The following TAFA2 variants were observed in gnomAD, a reference collection of about 807,000 sequenced individuals.
TAFA2 encodes the protein chemokine-like protein TAFA-2.
TAFA2 carries 7 observed loss-of-function variants against 18.8 expected under a neutral mutation model. The observed-to-expected ratio is 0.37, with a 90% CI of 0.21 to 0.70. The LOEUF is 0.70. Among genes scored for constraint, TAFA2 ranks in the 30% least tolerant of loss-of-function variants. The probability of loss-of-function intolerance (pLI) is 0.53; values close to 1 mark genes in which losing one functional copy is unlikely to be tolerated. For synonymous variants in TAFA2, 60 were observed against 54.2 expected (o/e 1.11, Z -0.47); for missense variants, 122 against 158.1 (o/e 0.77, Z 1.23).
chr12:61,934,626 A>G (rs183253898), intron 1 of TAFA2, among the ~76,000 whole-genome samples: 5 of 152,370 alleles, frequency 3.3e-5, no homozygotes, highest in Admixed American at 2.6e-4. Context: ...AACGCAGAAG[A>G]TAAAATGACT....
chr12:61,878,659 C>T (rs935509033), intron 1 of TAFA2, among the ~76,000 whole-genome samples: 1 of 152,152 alleles, frequency 6.6e-6, no homozygotes, highest in Non-Finnish European at 1.5e-5. Flanking sequence ...AGCTTGGTTG[C>T]TCTGCATGAT....
At chr12:62,114,016 C>T (rs573989522) in intron 1 of TAFA2, among the ~76,000 whole-genome samples, 25 of 152,182 alleles carry the variant, frequency 1.6e-4, no homozygotes, top group Non-Finnish European at 2.9e-4. Context: ...GTCTCGCTGG[C>T]ATTCCAGGTG....
rs573174460 is a variant in TAFA2 at position 61,794,090 on chromosome 12, T to C, written c.107-39066A>G. Among the ~76,000 whole-genome samples, 26 of 152,046 alleles carry C rather than the reference T, an allele frequency of 1.7e-4. 1 individual carries two copies. The South Asian group carries it at 5.0e-3, about 29-fold the overall frequency. ...AGCATATCTATGGAAAATCTACAAC[T>C]ATCATACATAATCCTGAGAGACTGA... is the stretch of plus-strand genomic sequence containing the variant. On this transcript the variant is annotated intron_variant, in intron 2 of 4. Transcript: ENST00000416284.
intron 1 of TAFA2, among the ~76,000 whole-genome samples, chr12:62,182,949 T>G (rs908335490): frequency 6.6e-6 from 1 of 152,230 alleles, no homozygotes; most frequent in African/African-American, 2.4e-5. Context: ...AAACTCCAAG[T>G]AATATACTAA....
chr12:61,803,434 C>T (rs1871476987), intron 2 of TAFA2, among the ~76,000 whole-genome samples: 1 of 151,868 alleles, frequency 6.6e-6, no homozygotes, highest in South Asian at 2.1e-4. Context: ...ATTCTCTAAC[C>T]AACTTTGTTC....
At chr12:61,925,423 T>C (rs1877246249) in intron 1 of TAFA2, among the ~76,000 whole-genome samples, 1 of 152,140 alleles carries the variant, frequency 6.6e-6, no homozygotes, top group Non-Finnish European at 1.5e-5. Flanking sequence ...GAACTCAGGA[T>C]TTAAAAACTC....
intron 1 of TAFA2, among the ~76,000 whole-genome samples, chr12:62,144,886 C>A (rs1276112704): frequency 2.0e-5 from 3 of 152,098 alleles, no homozygotes; most frequent in Non-Finnish European, 4.4e-5. Flanking sequence ...AATGAACTTG[C>A]CTTGATGTCC....
chr12:62,050,365 T>C (rs1294120261), intron 1 of TAFA2, among the ~76,000 whole-genome samples: 1 of 151,826 alleles, frequency 6.6e-6, no homozygotes, highest in Non-Finnish European at 1.5e-5. Context: ...CATCAGGAGA[T>C]CAAGACCATC....
chr12:61,860,634 G>T (rs1159646884), intron 2 of TAFA2, among the ~76,000 whole-genome samples: 1 of 152,114 alleles, frequency 6.6e-6, no homozygotes, highest in Middle Eastern at 3.2e-3. Context: ...TCCAGTCACA[G>T]CAATCTTATT....
At chr12:61,950,100 C>G (rs769109979) in intron 1 of TAFA2, among the ~76,000 whole-genome samples, 115 of 152,242 alleles carry the variant, frequency 7.6e-4, no homozygotes, top group Non-Finnish European at 1.4e-3. Flanking sequence ...ACAGGAAGTA[C>G]TTCCTTTTTA....
At chr12:61,789,087 T>G (rs1040221054) in intron 2 of TAFA2, among the ~76,000 whole-genome samples, 2 of 151,918 alleles carry the variant, frequency 1.3e-5, no homozygotes, top group African/African-American at 4.8e-5. Context: ...TCCCATTCTG[T>G]AGGCTGCCTG....
At chr12:62,257,958 T>C (rs2062948532) in intron 1 of TAFA2, among the ~76,000 whole-genome samples, 1 of 152,154 alleles carries the variant, frequency 6.6e-6, no homozygotes, top group Non-Finnish European at 1.5e-5. Context: ...TCAACTGAGA[T>C]CACTAAAACG....
In TAFA2 at chr12:61,849,859, A is replaced by G. The variant is rs933559886; in HGVS notation, c.106+17461T>C. On this transcript the variant is annotated intron_variant, in intron 2 of 4. Transcript: ENST00000416284. ...TTTCCCTCAAATATTTTGCTATGTGAATTCTTTAACACATAGATTGTTGAT... is the reference window on the plus strand; with the variant it reads ...TTTCCCTCAAATATTTTGCTATGTGGATTCTTTAACACATAGATTGTTGAT... 2.6e-5 allele frequency among the ~76,000 whole-genome samples: 4 copies of G among 152,302 alleles called. 1 individual carries two copies. In the South Asian group the frequency reaches 8.3e-4, roughly 32 times the overall value.
intron 2 of TAFA2, among the ~76,000 whole-genome samples, chr12:61,800,162 C>A (rs868454704): frequency 2.6e-5 from 4 of 152,016 alleles, no homozygotes; most frequent in Middle Eastern, 3.2e-3. Flanking sequence ...TATAATTAGT[C>A]ATAGTAATGA....
At chr12:61,930,727 G>C (rs1877520982) in intron 1 of TAFA2, among the ~76,000 whole-genome samples, 1 of 152,154 alleles carries the variant, frequency 6.6e-6, no homozygotes, top group Admixed American at 6.5e-5. Flanking sequence ...TGTTCCTCAA[G>C]GCCTTGGAAC....
chr12:62,162,331 C>T (rs980084300), intron 1 of TAFA2, among the ~76,000 whole-genome samples: 1 of 152,144 alleles, frequency 6.6e-6, no homozygotes, highest in Non-Finnish European at 1.5e-5. Flanking sequence ...GCTCTAATTA[C>T]CAGGTACACT....
chr12:61,877,453 T>C (rs1449492302), intron 1 of TAFA2, among the ~76,000 whole-genome samples: 1 of 152,156 alleles, frequency 6.6e-6, no homozygotes, highest in South Asian at 2.1e-4. Flanking sequence ...ATTTTCCCAC[T>C]GGTGAGATGT....
At chr12:61,838,312 T>C (rs748526262) in intron 2 of TAFA2, among the ~76,000 whole-genome samples, 3 of 152,014 alleles carry the variant, frequency 2.0e-5, no homozygotes, top group African/African-American at 4.8e-5. Context: ...AATACAGTTA[T>C]GTGAAATACT....
At chr12:61,772,614 T>TA (rs1330129620) in intron 2 of TAFA2, among the ~76,000 whole-genome samples, 1 of 151,950 alleles carries the variant, frequency 6.6e-6, no homozygotes, top group Non-Finnish European at 1.5e-5. Context: ...AAAAATAACA[T>TA]AATCATCGCA....
Sources: gnomAD v4.1 joint callset for allele counts (sites outside exome capture counted in the v4.1 genomes callset) on GRCh38, gnomAD v4.1.1 for gene constraint, MANE v1.5 for transcripts, NCBI Gene and HGNC (gene_info 2026-07-23, HGNC 2026-07-21) for gene names.